The following MDM2 variants were observed in gnomAD, a reference collection of about 807,000 sequenced individuals.
MDM2 encodes the protein MDM2 proto-oncogene.
A neutral mutation model predicts 64.3 loss-of-function variants in MDM2; 11 were observed. The ratio of observed to expected loss-of-function variants is 0.17; its 90% CI spans 0.11 to 0.28. MDM2 has a LOEUF of 0.28. MDM2 is among the 10% of genes least tolerant of loss of function. The pLI, the probability that MDM2 is intolerant of heterozygous loss-of-function variation, is 1.00. For synonymous variants in MDM2, 194 were observed against 192.9 expected (o/e 1.01, Z -0.05); for missense variants, 388 against 577.1 (o/e 0.67, Z 3.36).
At chr12:68,808,530 G>A in intron 1 of MDM2, 39 bp downstream of exon 1, 1 of 1,613,582 alleles carries the variant, frequency 6.2e-7, no homozygotes, top group Non-Finnish European at 8.5e-7. Context: ...TTGGGTCTGG[G>A]CTCTGACGGT....
intron 7 of MDM2, among the ~76,000 whole-genome samples, chr12:68,824,931 C>T (rs1203838975): frequency 1.3e-5 from 2 of 151,938 alleles, no homozygotes; most frequent in Non-Finnish European, 2.9e-5. Context: ...GGTGTGGTGG[C>T]TCACGCCTGG....
intron 10 of MDM2, among the ~76,000 whole-genome samples, chr12:68,838,317 G>T (rs1186991579): frequency 1.3e-5 from 2 of 152,190 alleles, no homozygotes; most frequent in Admixed American, 6.5e-5. Flanking sequence ...TATGTAAAAA[G>T]GCTGGGGATG....
intron 8 of MDM2, 112 bp from the exon 9 acceptor site, chr12:68,835,717 C>G (rs551508465): frequency 5.2e-5 from 54 of 1,037,830 alleles, no homozygotes; most frequent in Non-Finnish European, 7.2e-5. Context: ...AGGCCCATCC[C>G]CCAACTGTTA....
downstream of MDM2, chr12:68,847,598 C>T (rs1182796226): frequency 4.0e-5 from 6 of 151,222 alleles, no homozygotes; most frequent in African/African-American, 1.5e-4. Context: ...GGACTACAGG[C>T]GCCCGCCACC....
rs753442532 is a variant in MDM2 at position 68,845,054 on chromosome 12, C to T, written c.*5205C>T. ...AAGTGCTGTGATTACAGGCGTGAGC[C>T]GCCACGCCCAGCCTAATAAGGGTTT... is the stretch of plus-strand genomic sequence containing the variant. On this transcript the variant is annotated 3_prime_UTR_variant, in exon 11 of 11. Coordinates refer to ENST00000258149, the MANE Select transcript of MDM2 (RefSeq NM_002392.6). The T allele has an allele frequency of 1.4e-4, 30 of 209,692 alleles. No individual in the cohort carries two copies. The highest frequency in any genetic ancestry group is 2.4e-4 in the Non-Finnish European group (25 of 103,294). 13.0% of individuals were successfully genotyped at this position (209,692 alleles called of 1,614,324 possible). A position where few individuals can be genotyped will look rare whatever the true frequency, so the allele number is the denominator to read the frequency against.
intron 8 of MDM2, among the ~76,000 whole-genome samples, chr12:68,831,813 A>G (rs185264440): frequency 6.6e-6 from 1 of 152,302 alleles, no homozygotes; most frequent in Non-Finnish European, 1.5e-5. Flanking sequence ...CATGCCTGTA[A>G]TCCCAGCACT....
In MDM2 at chr12:68,843,758, G is replaced by A. The variant is rs1427786618; in HGVS notation, c.*3909G>A. 8.9e-6 allele frequency: 2 copies of A among 223,564 alleles called. No homozygotes were observed. The highest frequency in any genetic ancestry group is 4.5e-5 in the African/African-American group (2 of 44,668). The allele number at this position is 223,564 out of a possible 1,614,324, so 13.8% of individuals were successfully genotyped here. ...GGCCAAAGGGATTAGTAGTTTACCT[G>A]TGGAGGTCCTCCAAGCATTATTTGG... On this transcript the variant is annotated 3_prime_UTR_variant, in exon 11 of 11. Transcript: ENST00000258149.
Position 68,843,883 on chromosome 12 carries a change from T to C in MDM2, c.*4034T>C, listed in dbSNP as rs1193720770. On this transcript the variant is annotated 3_prime_UTR_variant, in exon 11 of 11. Coordinates refer to ENST00000258149, the MANE Select transcript of MDM2 (RefSeq NM_002392.6). ...ATAATACTTCAGCTTCAATTTGGAG[T>C]TGATAATATTTCAGCTAGAACCTAG... 1 of 214,994 alleles carries C rather than the reference T, an allele frequency of 4.7e-6. No homozygotes were observed. The highest frequency in any genetic ancestry group is 2.3e-5 in the African/African-American group (1 of 44,132). The allele number at this position is 214,994 out of a possible 1,614,324, so 13.3% of individuals were successfully genotyped here.
chr12:68,810,040 G>A (rs1880723865), intron 2 of MDM2, among the ~76,000 whole-genome samples: 1 of 152,022 alleles, frequency 6.6e-6, no homozygotes, highest in Non-Finnish European at 1.5e-5. Context: ...GGCTGGCCTC[G>A]GTGGCTCACC....
intron 1 of MDM2, 124 bp from the exon 2 acceptor site, chr12:68,809,084 C>G: frequency 6.6e-7 from 1 of 1,510,546 alleles, no homozygotes; most frequent in East Asian, 2.3e-5. Flanking sequence ...TCTGCTGATC[C>G]AGGTAAGCAC....
chr12:68,844,925 G>A lies in MDM2; in HGVS notation c.*5076G>A, dbSNP rs368756454. 8 of 198,166 alleles carry A rather than the reference G, an allele frequency of 4.0e-5. No individual in the cohort carries two copies. The highest frequency in any genetic ancestry group is 1.9e-4 in the South Asian group (1 of 5,230). The allele number at this position is 198,166 out of a possible 1,614,324, so 12.3% of individuals were successfully genotyped here. ...TGGGGTTAGAGCACCCTGTCACCAC[G>A]CCCCGCTAATTTTTGTATTTCTAGC... On this transcript the variant is annotated 3_prime_UTR_variant, in exon 11 of 11. Transcript: ENST00000258149.
At chr12:68,831,635 G>A (rs1316928755) in intron 8 of MDM2, among the ~76,000 whole-genome samples, 2 of 152,134 alleles carry the variant, frequency 1.3e-5, no homozygotes, top group African/African-American at 2.4e-5. Context: ...TTTTTCTGGA[G>A]CTACGAAAAA....
intron 1 of MDM2, chr12:68,808,981 C>G (rs1880613527): frequency 1.1e-5 from 16 of 1,422,784 alleles, no homozygotes; most frequent in Middle Eastern, 2.6e-4. Context: ...TGACTTGTCT[C>G]CAGCTGGGGC....
Position 68,819,858 on chromosome 12 carries a change from C to T in MDM2, c.309-467C>T, listed in dbSNP as rs1592577924. Among the ~76,000 whole-genome samples the T allele has an allele frequency of 2.0e-5, 3 of 152,348 alleles. No individual in the cohort carries two copies. The East Asian group carries it at 5.8e-4, about 29-fold the overall frequency. ...GCTTGATGAAAGTCAAGATTATAATCAAATTCCTATTTAATGGATTTTGCG... is the reference window on the plus strand; with the variant it reads ...GCTTGATGAAAGTCAAGATTATAATTAAATTCCTATTTAATGGATTTTGCG... On this transcript the variant is annotated intron_variant, in intron 4 of 10. Coordinates refer to ENST00000258149, the MANE Select transcript of MDM2 (RefSeq NM_002392.6).
rs1883866883 is a variant in MDM2 at position 68,842,549 on chromosome 12, G to A, written c.*2700G>A. 5.7e-6 allele frequency: 2 copies of A among 347,938 alleles called. No homozygotes were observed. The highest frequency in any genetic ancestry group is 9.2e-4 in the Middle Eastern group (1 of 1,082). The allele number at this position is 347,938 out of a possible 1,614,324, so 21.6% of individuals were successfully genotyped here. A position where few individuals can be genotyped will look rare whatever the true frequency, so the allele number is the denominator to read the frequency against. On this transcript the variant is annotated 3_prime_UTR_variant, in exon 11 of 11. Transcript: ENST00000258149. ...TGTCTACAAAACAGATAATATGGAT[G>A]TTTGATCGCATCTCATTGTTAACTC...
chr12:68,815,776 C>A, intron 3 of MDM2: 1 of 212,786 alleles, frequency 4.7e-6, no homozygotes. Context: ...TGATAATAAT[C>A]TTATGAAATA....
rs1376586613 is a variant in MDM2 at position 68,839,660 on chromosome 12, T to G, written c.1305T>G (p.Ser435Arg). ...TQDKEESVES[S>R]LPLNAIEPCV... The stretch of plus-strand genomic sequence containing the variant: ...ACAAAGAAGAGAGTGTGGAATCTAG[T>G]TTGCCCCTTAATGCCATTGAACCTT... Residue 435 changes from serine (S) to arginine (R), a missense_variant, in exon 11 of 11, where the codon AGT becomes AGG. Ser to Arg is a moderately radical substitution (Grantham distance 110). Transcript: ENST00000258149. 5.0e-6 allele frequency: 8 copies of G among 1,613,562 alleles called. No individual in the cohort carries two copies. The Admixed American group carries it at 1.2e-4, about 24-fold the overall frequency.
At chr12:68,823,348 A>G (rs747051496) in intron 5 of MDM2, among the ~76,000 whole-genome samples, 19 of 152,218 alleles carry the variant, frequency 1.2e-4, no homozygotes, top group African/African-American at 2.4e-5. Flanking sequence ...CCAACTACAA[A>G]TGAAACCTAT....
intron 5 of MDM2, among the ~76,000 whole-genome samples, chr12:68,821,996 A>G (rs921249467): frequency 2.0e-5 from 3 of 152,060 alleles, no homozygotes; most frequent in African/African-American, 4.8e-5. Context: ...CTGGGACTAC[A>G]GATGTGCTCC....
Sources: gnomAD v4.1 joint callset for allele counts (sites outside exome capture counted in the v4.1 genomes callset) on GRCh38, gnomAD v4.1.1 for gene constraint, MANE v1.5 for transcripts, NCBI Gene and HGNC (gene_info 2026-07-23, HGNC 2026-07-21) for gene names.